The following CNTNAP2 variants were observed in gnomAD, a reference collection of about 807,000 sequenced individuals.
CNTNAP2 encodes the protein contactin-associated protein-like 2.
CNTNAP2 carries 98 observed loss-of-function variants against 155.2 expected under a neutral mutation model. That is an observed-to-expected ratio of 0.63 (90% CI 0.54 to 0.75). The LOEUF (loss-of-function observed/expected upper bound fraction) is 0.75, where lower values mean the gene tolerates loss of function less well. Among genes scored for constraint, CNTNAP2 ranks in the 30% least tolerant of loss-of-function variants. The pLI, the probability that CNTNAP2 is intolerant of heterozygous loss-of-function variation, is 0.00. For missense variants in CNTNAP2, 1,727 were observed against 1,688.1 expected, an observed-to-expected ratio of 1.02 and a Z score of -0.40; for synonymous variants, 651 against 631.2, an observed-to-expected ratio of 1.03 and a Z score of -0.47.
chr7:147,003,377 A>C (rs958067182), intron 3 of CNTNAP2, among the ~76,000 whole-genome samples: 2 of 152,042 alleles, frequency 1.3e-5, no homozygotes, highest in East Asian at 1.9e-4. Context: ...GGCTATAAAC[A>C]AAAAGCGAGA....
intron 3 of CNTNAP2, among the ~76,000 whole-genome samples, chr7:146,888,666 C>A (rs1795716898): frequency 6.6e-6 from 1 of 151,782 alleles, no homozygotes; most frequent in Admixed American, 6.6e-5. Context: ...TATTATTCAG[C>A]TTTAAAAAAC....
chr7:146,504,193 A>T (rs1028235580), intron 1 of CNTNAP2, among the ~76,000 whole-genome samples: 1 of 152,228 alleles, frequency 6.6e-6, no homozygotes, highest in Non-Finnish European at 1.5e-5. Flanking sequence ...GCAGGGAGAC[A>T]TGCCCACAGG....
intron 21 of CNTNAP2, among the ~76,000 whole-genome samples, chr7:148,290,777 A>G (rs76931245): frequency 1.3e-5 from 2 of 152,142 alleles, no homozygotes; most frequent in East Asian, 3.9e-4. Flanking sequence ...CCTCTTTACA[A>G]AGCCCTTCCC....
chr7:147,790,612 C>G (rs1056262496), intron 13 of CNTNAP2, among the ~76,000 whole-genome samples: 3 of 152,188 alleles, frequency 2.0e-5, no homozygotes, highest in African/African-American at 7.2e-5. Context: ...CATTTTATAA[C>G]TTGAATTTCA....
At chr7:146,751,995 T>C (rs1268254946) in intron 1 of CNTNAP2, among the ~76,000 whole-genome samples, 4 of 152,196 alleles carry the variant, frequency 2.6e-5, no homozygotes, top group Non-Finnish European at 5.9e-5. Flanking sequence ...ATGGTGTATA[T>C]GTGCCACCTT....
chr7:148,176,185 A>C (rs1437270957), intron 18 of CNTNAP2, among the ~76,000 whole-genome samples: 3 of 148,914 alleles, frequency 2.0e-5, no homozygotes, highest in Non-Finnish European at 3.0e-5. Context: ...TCTTATCCAA[A>C]ACCCTTTTTT....
chr7:146,817,068 G>A (rs79883392), intron 2 of CNTNAP2, among the ~76,000 whole-genome samples: 3,103 of 152,204 alleles, frequency 0.02, 98 homozygotes, highest in African/African-American at 0.072. Flanking sequence ...GTTGATGGAC[G>A]ACCAGGATAA....
chr7:148,060,941 A>G (rs1360188108), intron 15 of CNTNAP2, among the ~76,000 whole-genome samples: 1 of 152,242 alleles, frequency 6.6e-6, no homozygotes, highest in East Asian at 1.9e-4. Context: ...CAATAGTTGA[A>G]AGACAAGACC....
intron 16 of CNTNAP2, among the ~76,000 whole-genome samples, chr7:148,132,417 A>ATT (rs1804850444): frequency 6.9e-6 from 1 of 145,704 alleles, no homozygotes; most frequent in African/African-American, 2.6e-5. Context: ...GTACTTCTCA[A>ATT]TTTTTAAGGG....
At chr7:147,019,455 C>T (rs769633268) in intron 3 of CNTNAP2, among the ~76,000 whole-genome samples, 3 of 151,850 alleles carry the variant, frequency 2.0e-5, no homozygotes, top group Non-Finnish European at 2.9e-5. Flanking sequence ...AAAGTAAATT[C>T]AAACAAAAAA....
At chr7:146,972,120 T>C (rs1563026820) in intron 3 of CNTNAP2, among the ~76,000 whole-genome samples, 1 of 152,136 alleles carries the variant, frequency 6.6e-6, no homozygotes, top group Non-Finnish European at 1.5e-5. Flanking sequence ...CATTGTAATG[T>C]TGAGGGGGAA....
At chr7:147,387,773 C>T (rs1796647418) in intron 9 of CNTNAP2, among the ~76,000 whole-genome samples, 1 of 152,068 alleles carries the variant, frequency 6.6e-6, no homozygotes, top group Non-Finnish European at 1.5e-5. Context: ...CCCTATTGTG[C>T]TATCATATAG....
At chr7:147,269,588 G>A (rs1172631086) in intron 8 of CNTNAP2, among the ~76,000 whole-genome samples, 2 of 152,188 alleles carry the variant, frequency 1.3e-5, no homozygotes, top group Non-Finnish European at 2.9e-5. Flanking sequence ...TTGTTTACAT[G>A]TTTGCTATAT....
At chr7:147,108,491 G>A (rs1177025114) in intron 5 of CNTNAP2, 141 bp downstream of exon 5, 10 of 734,156 alleles carry the variant, frequency 1.4e-5, no homozygotes, top group Middle Eastern at 3.8e-4. Context: ...TATAACAGTA[G>A]GTATATAATG....
At chr7:147,044,218 AG>A (rs2129255502) in intron 4 of CNTNAP2, among the ~76,000 whole-genome samples, 164 bp downstream of exon 4, 1 of 152,242 alleles carries the variant, frequency 6.6e-6, no homozygotes, top group African/African-American at 2.4e-5. Flanking sequence ...ATATAATAAA[AG>A]GTTGTGTCTC....
At chr7:146,645,487 T>C (rs1799796002) in intron 1 of CNTNAP2, among the ~76,000 whole-genome samples, 2 of 152,136 alleles carry the variant, frequency 1.3e-5, no homozygotes, top group Non-Finnish European at 1.5e-5. Flanking sequence ...TTCTATAATA[T>C]GTATCTACGA....
chr7:147,381,876 T>C (rs938110388), intron 9 of CNTNAP2, among the ~76,000 whole-genome samples: 1 of 151,920 alleles, frequency 6.6e-6, no homozygotes, highest in African/African-American at 2.4e-5. Context: ...ACAAATACTA[T>C]TAAAAAACAG....
chr7:146,441,342 T>G (rs1011762235), intron 1 of CNTNAP2, among the ~76,000 whole-genome samples: 2 of 151,526 alleles, frequency 1.3e-5, no homozygotes, highest in Admixed American at 6.6e-5. Flanking sequence ...GACTTTCATA[T>G]TGCAAGACAA....
At chr7:147,881,764 A>C (rs1469596717) in intron 13 of CNTNAP2, among the ~76,000 whole-genome samples, 1 of 152,204 alleles carries the variant, frequency 6.6e-6, no homozygotes, top group East Asian at 1.9e-4. Flanking sequence ...TGAGGTCATG[A>C]GTTTGAGACC....
Sources: allele counts gnomAD v4.1 joint callset (sites outside exome capture counted in the v4.1 genomes callset), GRCh38; gene constraint gnomAD v4.1.1; transcripts MANE v1.5; gene names NCBI Gene and HGNC (gene_info 2026-07-23, HGNC 2026-07-21).